Variants in PC observed in about 807,000 individuals in gnomAD.
The protein encoded by PC is pyruvate carboxylase, mitochondrial.
A neutral mutation model predicts 107.8 loss-of-function variants in PC; 46 were observed. The observed-to-expected ratio is 0.43, with a 90% CI of 0.34 to 0.55. The LOEUF is 0.55. Ranked by LOEUF, PC falls within the 20% of genes least tolerant of loss-of-function variation. PC has a pLI of 0.04. For synonymous variants in PC, 662 were observed against 684.7 expected (o/e 0.97, Z 0.52); for missense variants, 1,241 against 1,643.1 (o/e 0.76, Z 4.23).
intron 3 of PC, among the ~76,000 whole-genome samples, chr11:66,908,999 C>G (rs1948252938): frequency 6.6e-6 from 1 of 152,154 alleles, no homozygotes; most frequent in Non-Finnish European, 1.5e-5. Context: ...GGAAGGTGAG[C>G]TCAGAATGAG....
intron 3 of PC, among the ~76,000 whole-genome samples, chr11:66,900,273 C>T (rs887406971): frequency 2.6e-5 from 4 of 151,190 alleles, no homozygotes; most frequent in African/African-American, 7.3e-5. Flanking sequence ...CTCTGACTCC[C>T]GGGTTCACGT....
intron 3 of PC, among the ~76,000 whole-genome samples, chr11:66,885,971 T>C (rs984315316): frequency 1.3e-5 from 2 of 152,196 alleles, no homozygotes; most frequent in Non-Finnish European, 2.9e-5. Context: ...TACCCCCCTC[T>C]CATCCGCACA....
chr11:66,876,995 G>T (rs536830199), intron 3 of PC, among the ~76,000 whole-genome samples: 1 of 152,170 alleles, frequency 6.6e-6, no homozygotes, highest in Non-Finnish European at 1.5e-5. Context: ...AGTGCTGAGC[G>T]CCAGGAAGGC....
chr11:66,889,095 A>G (rs890220700), intron 3 of PC, among the ~76,000 whole-genome samples: 5 of 152,048 alleles, frequency 3.3e-5, no homozygotes, highest in Non-Finnish European at 7.4e-5. Flanking sequence ...CAAAACAAAA[A>G]TGTAAATTCT....
intron 11 of PC, 27 bp from the exon 12 acceptor site, chr11:66,863,983 C>G: frequency 6.2e-7 from 1 of 1,612,834 alleles, no homozygotes; most frequent in African/African-American, 1.3e-5. Context: ...GCGTGAGGAC[C>G]TGCGCCAGAA....
intron 1 of PC, among the ~76,000 whole-genome samples, chr11:66,955,808 T>C (rs1363401117): frequency 6.6e-6 from 1 of 151,284 alleles, no homozygotes; most frequent in African/African-American, 2.4e-5. Context: ...AGTTTCATGC[T>C]GTCGCCCAGG....
chr11:66,874,384 G>A (rs1315758015), intron 3 of PC, among the ~76,000 whole-genome samples: 1 of 152,154 alleles, frequency 6.6e-6, no homozygotes, highest in Non-Finnish European at 1.5e-5. Flanking sequence ...CACCACACCC[G>A]GCCGATCTGA....
At chr11:66,864,101 G>A in intron 11 of PC, 145 bp from the exon 12 acceptor site, 1 of 826,468 alleles carries the variant, frequency 1.2e-6, no homozygotes, top group South Asian at 1.4e-5. Flanking sequence ...GCTCTGGCTG[G>A]TCAGGTTTTG....
At chr11:66,894,678 A>G (rs1290587790) in intron 3 of PC, among the ~76,000 whole-genome samples, 3 of 152,066 alleles carry the variant, frequency 2.0e-5, no homozygotes, top group Non-Finnish European at 4.4e-5. Flanking sequence ...CACCTCCACA[A>G]TGGGCTGAAC....
intron 3 of PC, among the ~76,000 whole-genome samples, chr11:66,907,384 G>T (rs975166175): frequency 6.6e-6 from 1 of 152,078 alleles, no homozygotes; most frequent in South Asian, 2.1e-4. Context: ...AAAATTAGCC[G>T]GGTGTGGTGG....
chr11:66,887,452 C>A (rs1196573938), intron 3 of PC, among the ~76,000 whole-genome samples: 4 of 151,930 alleles, frequency 2.6e-5, no homozygotes, highest in Non-Finnish European at 4.4e-5. Flanking sequence ...AAGTAAGAGG[C>A]GGCAGCTATT....
Position 66,904,917 on chromosome 11 carries a change from A to G in PC, c.1-32758T>C, listed in dbSNP as rs77552352. Among the ~76,000 whole-genome samples, 1,299 of 152,338 alleles carry G rather than the reference A, an allele frequency of 8.5e-3. 22 individuals are homozygous for G. Among genetic ancestry groups the G allele is most frequent in the African/African-American group, 0.029 (1,192 of 41,568 alleles). On this transcript the variant is annotated intron_variant, in intron 3 of 22. Transcript: ENST00000393960. ...ACCTGTTAGTCCGTCTACAAAACAGATTTATCCCTCTCAGCACAGAGCGCT... is the reference window on the plus strand; with the variant it reads ...ACCTGTTAGTCCGTCTACAAAACAGGTTTATCCCTCTCAGCACAGAGCGCT...
intron 12 of PC, among the ~76,000 whole-genome samples, chr11:66,854,221 T>C (rs551656596): frequency 6.6e-6 from 1 of 152,358 alleles, no homozygotes; most frequent in African/African-American, 2.4e-5. Context: ...CCTTCCTCAT[T>C]GTGGCCACCT....
chr11:66,941,545 G>C (rs867813816), intron 3 of PC, among the ~76,000 whole-genome samples: 8 of 152,120 alleles, frequency 5.3e-5, no homozygotes, highest in Non-Finnish European at 1.2e-4. Context: ...AGGCTGGAGT[G>C]CAGTGGCGCC....
rs1946713427 is a variant in PC at position 66,871,115 on chromosome 11, G to A, written c.570C>T (p.Pro190=). 6.2e-7 allele frequency: 1 copy of A among 1,613,954 alleles called. No homozygotes were observed. The highest frequency in any genetic ancestry group is 1.3e-5 in the African/African-American group (1 of 75,062). ...CCCCATAGGCCGCCTTGAAGATGAT[G>A]GGGAAGCCGTAGGTGTTGGAGAACT... is the stretch of plus-strand genomic sequence containing the variant. ...AHEFSNTYGF[P]IIFKAAYGGG... is the part of the protein sequence containing the mutation. Residue 190 remains proline, a synonymous_variant, in exon 7 of 23, where the codon CCC becomes CCT. Coordinates refer to ENST00000393960, the MANE Select transcript of PC (RefSeq NM_001040716.2). This position sits in a 1 kb window ranked among gnomAD's most constrained non-coding sequence, Gnocchi z 7.4.
Position 66,858,920 on chromosome 11 carries a change from C to T in PC, c.1368+4854G>A, listed in dbSNP as rs374693774. The T allele has an allele frequency of 6.0e-4, 941 of 1,570,454 alleles. No individual in the cohort carries two copies. Among genetic ancestry groups the T allele is most frequent in the African/African-American group, 5.9e-3 (436 of 73,894 alleles). On this transcript the variant is annotated intron_variant, in intron 12 of 22. Transcript: ENST00000393960. This position sits in a 1 kb window ranked among gnomAD's most constrained non-coding sequence, Gnocchi z 5.9. ...CCGGGCCCTCGGACATCGCCGCCTC[C>T]GCTCGCACTGCTGCCGAGGGTGAGG... is the stretch of plus-strand genomic sequence containing the variant.
intron 3 of PC, among the ~76,000 whole-genome samples, chr11:66,940,247 G>A (rs1192904232): frequency 6.7e-6 from 1 of 149,544 alleles, no homozygotes; most frequent in South Asian, 2.1e-4. Context: ...TGTCCAGGCT[G>A]GAATGCAGTC....
At chr11:66,954,994 T>C (rs1441346770) in intron 1 of PC, among the ~76,000 whole-genome samples, 1 of 151,070 alleles carries the variant, frequency 6.6e-6, no homozygotes, top group African/African-American at 2.4e-5. Context: ...CTCCAGCCCA[T>C]GCAGAAGGTG....
At chr11:66,885,777 C>T (rs938177400) in intron 3 of PC, among the ~76,000 whole-genome samples, 2 of 152,142 alleles carry the variant, frequency 1.3e-5, no homozygotes, top group African/African-American at 4.8e-5. Context: ...CGGCCCTGCT[C>T]ACACCTTGAA....
Sources: gnomAD v4.1 joint callset for allele counts (sites outside exome capture counted in the v4.1 genomes callset) on GRCh38, gnomAD v4.1.1 for gene constraint, Gnocchi (gnomAD v3.1) non-coding constraint, MANE v1.5 for transcripts, NCBI Gene and HGNC (gene_info 2026-07-23, HGNC 2026-07-21) for gene names.